Variants in BMP7 observed in about 807,000 individuals in gnomAD.
The protein encoded by BMP7 is osteogenic protein 1.
BMP7 carries 12 observed loss-of-function variants against 41.2 expected under a neutral mutation model. The ratio of observed to expected loss-of-function variants is 0.29; its 90% CI spans 0.19 to 0.47. The LOEUF is 0.47. BMP7 is among the 20% of genes least tolerant of loss of function. The probability of loss-of-function intolerance (pLI) is 0.99; values close to 1 mark genes in which losing one functional copy is unlikely to be tolerated. For missense variants in BMP7, 467 were observed against 606.0 expected (o/e 0.77, Z 2.41); for synonymous variants, 248 against 250.0 (o/e 0.99, Z 0.07).
intron 2 of BMP7, among the ~76,000 whole-genome samples, chr20:57,221,411 A>G (rs1468188529): frequency 2.0e-5 from 3 of 152,208 alleles, no homozygotes; most frequent in African/African-American, 7.2e-5. Context: ...GAAAGAAAAA[A>G]GTGTATCCAC....
chr20:57,234,571 C>A (rs1244878731), intron 1 of BMP7, among the ~76,000 whole-genome samples: 1 of 152,228 alleles, frequency 6.6e-6, no homozygotes, highest in Non-Finnish European at 1.5e-5. Context: ...CTGACTGCAA[C>A]CAAGGCAGTT....
intron 1 of BMP7, among the ~76,000 whole-genome samples, chr20:57,262,140 T>C (rs922338062): frequency 2.0e-5 from 3 of 152,190 alleles, no homozygotes; most frequent in Non-Finnish European, 4.4e-5. Context: ...CTTTACAAGA[T>C]TCCTAACAGA....
At chr20:57,265,607 G>T in intron 1 of BMP7, 98 bp downstream of exon 1, 2 of 1,510,440 alleles carry the variant, frequency 1.3e-6, no homozygotes, top group South Asian at 1.2e-5. Flanking sequence ...AGCCAGGAGC[G>T]GAAAGCTGGG....
chr20:57,179,056 A>G (rs1984005599), intron 4 of BMP7, among the ~76,000 whole-genome samples: 1 of 152,234 alleles, frequency 6.6e-6, no homozygotes, highest in Non-Finnish European at 1.5e-5. Context: ...AGCACAGCTC[A>G]TGAAGCTAGT....
chr20:57,174,924 C>A lies in BMP7; in HGVS notation c.1035+7G>T. The A allele has an allele frequency of 6.2e-7, 1 of 1,610,180 alleles. No homozygotes were observed. Among genetic ancestry groups the A allele is most frequent in the Non-Finnish European group, 8.5e-7 (1 of 1,179,608 alleles). ...CACACCCAAGACAGACCCAGCCAGC[C>A]CCTTACCTGCCAGCCCAGGTCTCGG... On this transcript the variant is annotated splice_region_variant and intron_variant, in intron 5 of 6. Transcript: ENST00000395863. The surrounding 1 kb of genome is among the most constrained non-coding windows in gnomAD (Gnocchi z 4.3).
intron 3 of BMP7, among the ~76,000 whole-genome samples, chr20:57,199,833 C>T (rs1429022272): frequency 6.6e-6 from 1 of 152,344 alleles, no homozygotes; most frequent in Admixed American, 6.5e-5. Flanking sequence ...TGCCTGGGCG[C>T]GCACAGCACC....
At chr20:57,180,429 C>A (rs1984052652) in intron 4 of BMP7, among the ~76,000 whole-genome samples, 1 of 152,088 alleles carries the variant, frequency 6.6e-6, no homozygotes, top group Non-Finnish European at 1.5e-5. Context: ...CTCGTGGGCA[C>A]CCACTGGACC....
intron 3 of BMP7, among the ~76,000 whole-genome samples, chr20:57,190,906 G>A (rs1984341405): frequency 6.6e-6 from 1 of 152,162 alleles, no homozygotes; most frequent in South Asian, 2.1e-4. Flanking sequence ...GTGGGCATCG[G>A]GGCTGCCTCG....
chr20:57,207,990 C>T (rs1052197719), intron 2 of BMP7, among the ~76,000 whole-genome samples: 9 of 151,662 alleles, frequency 5.9e-5, no homozygotes, highest in South Asian at 2.1e-4. Flanking sequence ...CCACCGCGCC[C>T]GGCTAATTTT....
At position 57,170,805 on chromosome 20, in the gene BMP7, C is replaced by G; in HGVS notation, c.*154G>C. The G allele has an allele frequency of 1.0e-6, 1 of 976,630 alleles. No homozygotes were observed. The allele number at this position is 976,630 out of a possible 1,614,324, so 60.5% of individuals were successfully genotyped here. On this transcript the variant is annotated 3_prime_UTR_variant, in exon 7 of 7. Transcript: ENST00000395863. ...TGAAAAACTGATCAAAAGCCATATGCTGCTCATGTTTCCTAATACTCTCAC... is the reference window on the plus strand; with the variant it reads ...TGAAAAACTGATCAAAAGCCATATGGTGCTCATGTTTCCTAATACTCTCAC...
chr20:57,214,320 C>G lies in BMP7; in HGVS notation c.612-11697G>C, dbSNP rs1355466352. Among the ~76,000 whole-genome samples, 1 of 152,208 alleles carries G rather than the reference C, an allele frequency of 6.6e-6. No homozygotes were observed. The highest frequency in any genetic ancestry group is 1.5e-5 in the Non-Finnish European group (1 of 68,034). ...CCCCGCACTCCCCCTGCCCCAGCAG[C>G]TTGCAGGGGCTGAGCAATTAACTTC... is the stretch of plus-strand genomic sequence containing the variant. On this transcript the variant is annotated intron_variant, in intron 2 of 6. Coordinates refer to ENST00000395863, the MANE Select transcript of BMP7 (RefSeq NM_001719.3). This position sits in a 1 kb window ranked among gnomAD's most constrained non-coding sequence, Gnocchi z 4.0.
rs149226414 is a variant in BMP7, at chr20:57,258,392, A to G, written c.418+7313T>C. ...CTTGGGCAGCCTTGCACCTGCTCCA[A>G]TAAAAAGTGGGGAAGTTGTGCAGTT... On this transcript the variant is annotated intron_variant, in intron 1 of 6. Transcript: ENST00000395863. Among the ~76,000 whole-genome samples the G allele has an allele frequency of 4.1e-3, 628 of 152,342 alleles. 8 individuals are homozygous for G. Among genetic ancestry groups the G allele is most frequent in the African/African-American group, 0.014 (584 of 41,574 alleles).
At chr20:57,187,414 A>C (rs1984238215) in intron 3 of BMP7, among the ~76,000 whole-genome samples, 1 of 152,156 alleles carries the variant, frequency 6.6e-6, no homozygotes, top group East Asian at 1.9e-4. Flanking sequence ...GTGGTTTAAT[A>C]AAAGGCAACT....
rs146191590 is a variant in BMP7, at chr20:57,234,361, G to T, written c.419-5940C>A. Among the ~76,000 whole-genome samples, 4 of 152,304 alleles carry T rather than the reference G, an allele frequency of 2.6e-5. No individual in the cohort carries two copies. The East Asian group carries it at 7.7e-4, about 29-fold the overall frequency. ...AAGCCCCTTGCCAGCACCTTGCAGG[G>T]AAGGCTGGTCTGTGAGAAAGAAGCT... On this transcript the variant is annotated intron_variant, in intron 1 of 6. Coordinates refer to ENST00000395863, the MANE Select transcript of BMP7 (RefSeq NM_001719.3).
chr20:57,253,989 C>T (rs1401661020), intron 1 of BMP7, among the ~76,000 whole-genome samples: 1 of 148,748 alleles, frequency 6.7e-6, no homozygotes, highest in Non-Finnish European at 1.5e-5. Flanking sequence ...TCCAGGATAC[C>T]ACATTGTATT....
rs961481564 is a variant in BMP7 at position 57,266,475 on chromosome 20, G to A, written c.-353C>T. Reference sequence around the variant, plus strand: ...CGCCGGGGAGGCAGCGAGGAGGCAGGCGGGCGGGCGAGCGCTCCTTCTTCC... The same window carrying A: ...CGCCGGGGAGGCAGCGAGGAGGCAGACGGGCGGGCGAGCGCTCCTTCTTCC... On this transcript the variant is annotated 5_prime_UTR_variant, in exon 1 of 7. Transcript: ENST00000395863. 3 of 169,472 alleles carry A rather than the reference G, an allele frequency of 1.8e-5. No individual in the cohort carries two copies. Among genetic ancestry groups the A allele is most frequent in the Non-Finnish European group, 3.8e-5 (3 of 79,738 alleles). 10.5% of individuals were successfully genotyped at this position (169,472 alleles called of 1,614,324 possible). A position where few individuals can be genotyped will look rare whatever the true frequency, so the allele number is the denominator to read the frequency against.
chr20:57,171,104 T>A lies in BMP7; in HGVS notation c.1151A>T (p.His384Leu). Residue 384 changes from histidine to leucine, a missense_variant, in exon 7 of 7, where the codon CAC (histidine) becomes CTC (leucine). Physicochemically the swap from His to Leu is moderately conservative, Grantham distance 99 (BLOSUM62 -3). This residue lies in a region of BMP7 where 60 missense variants were observed against 120.1 expected (regional missense o/e 0.50). Coordinates refer to ENST00000395863, the MANE Select transcript of BMP7 (RefSeq NM_001719.3). This position sits in a 1 kb window ranked among gnomAD's most constrained non-coding sequence, Gnocchi z 4.5. Reference sequence around the variant, plus strand: ...GGGCACCGTTTCCGGGTTGATGAAGTGGACCTGAAACACACACCAAAACAT... The same window carrying A: ...GGGCACCGTTTCCGGGTTGATGAAGAGGACCTGAAACACACACCAAAACAT... ...TNHAIVQTLV[H>L]FINPETVPKP... 6.2e-7 allele frequency: 1 copy of A among 1,614,102 alleles called. No individual in the cohort carries two copies. The highest frequency in any genetic ancestry group is 8.5e-7 in the Non-Finnish European group (1 of 1,179,990).
chr20:57,251,456 C>T (rs1003172650), intron 1 of BMP7, among the ~76,000 whole-genome samples: 3 of 152,168 alleles, frequency 2.0e-5, no homozygotes, highest in African/African-American at 4.8e-5. Flanking sequence ...TCCCTGTGTT[C>T]GACATCACCC....
chr20:57,266,126 G>T lies in BMP7; in HGVS notation c.-4C>A, dbSNP rs904334223. ...CTCGCAGTGAGCGCACGTGCATCGC[G>T]CCGGCTCTACGCGCTACCCGGGCTC... On this transcript the variant is annotated 5_prime_UTR_variant, in exon 1 of 7. Transcript: ENST00000395863. 6.5e-7 allele frequency: 1 copy of T among 1,529,718 alleles called. No homozygotes were observed. Among genetic ancestry groups the T allele is most frequent in the Non-Finnish European group, 8.7e-7 (1 of 1,143,578 alleles). 94.8% of individuals were successfully genotyped at this position (1,529,718 alleles called of 1,614,324 possible). A position where few individuals can be genotyped will look rare whatever the true frequency, so the allele number is the denominator to read the frequency against.
Sources: allele counts gnomAD v4.1 joint callset (sites outside exome capture counted in the v4.1 genomes callset), GRCh38; gene constraint gnomAD v4.1.1; regional missense constraint gnomAD v4.1.1; non-coding constraint Gnocchi (gnomAD v3.1); transcripts MANE v1.5; gene names NCBI Gene and HGNC (gene_info 2026-07-23, HGNC 2026-07-21).